Variants in USP25 observed in about 807,000 individuals in gnomAD.
USP25 encodes the protein ubiquitin specific peptidase 25, also known as ubiquitin carboxyl-terminal hydrolase 25.
In USP25, 85 loss-of-function variants were observed where a neutral mutation model predicts 158.5. That is an observed-to-expected ratio of 0.54 (90% CI 0.45 to 0.64). The LOEUF (loss-of-function observed/expected upper bound fraction) is 0.64. USP25 is among the 30% of genes least tolerant of loss of function. The pLI is 0.00. For synonymous variants in USP25, 464 were observed against 460.4 expected, an observed-to-expected ratio of 1.01 and a Z score of -0.10; for missense variants, 1,242 against 1,327.3, an observed-to-expected ratio of 0.94 and a Z score of 1.00.
intron 19 of USP25, 71 bp downstream of exon 19, chr21:15,847,847 C>T: frequency 1.0e-6 from 1 of 988,354 alleles, no homozygotes. Context: ...TTGGGCATGC[C>T]TGCACCCTCA....
chr21:15,850,284 G>A (rs1658853371), intron 20 of USP25, among the ~76,000 whole-genome samples: 1 of 151,600 alleles, frequency 6.6e-6, no homozygotes, highest in African/African-American at 2.4e-5. Flanking sequence ...TTATCATTAG[G>A]TACTAAATTG....
Position 15,877,854 on chromosome 21 carries a change from A to G in USP25, c.3068A>G (p.Asn1023Ser), listed in dbSNP as rs201645693. The G allele has an allele frequency of 2.5e-5, 41 of 1,613,388 alleles. No homozygotes were observed. Among genetic ancestry groups the G allele is most frequent in the Admixed American group, 5.0e-5 (3 of 59,950 alleles). ...FESGEDREVN[N>S]GLIIMNEFIV... is the part of the protein sequence containing the mutation. ...TCTGGAGAGGATCGAGAAGTAAACA[A>G]TGGTTTGATTATCATGAATGAGTTT... The change falls in exon 25 of 26, where the codon AAT (asparagine) becomes AGT (serine). Residue 1023 changes from asparagine to serine, a missense_variant. By Grantham distance (46) the Asn-to-Ser change is conservative. This residue lies in a region of USP25 where 608 missense variants were observed against 605.2 expected (regional missense o/e 1.00). Coordinates refer to ENST00000400183, the MANE Select transcript of USP25 (RefSeq NM_001283041.3).
chr21:15,756,559 C>G (rs891513908), intron 1 of USP25, among the ~76,000 whole-genome samples: 4 of 152,010 alleles, frequency 2.6e-5, no homozygotes, highest in Admixed American at 2.0e-4. Context: ...TTTAAAAATA[C>G]CCAGCATTAA....
At chr21:15,813,628 T>A (rs546547550) in intron 9 of USP25, among the ~76,000 whole-genome samples, 3 of 152,312 alleles carry the variant, frequency 2.0e-5, no homozygotes, top group Admixed American at 2.0e-4. Context: ...TCCCACTCTT[T>A]CTTTCTCATC....
intron 9 of USP25, among the ~76,000 whole-genome samples, chr21:15,815,767 AT>A (rs2146314726): frequency 6.6e-6 from 1 of 152,334 alleles, no homozygotes; most frequent in South Asian, 2.1e-4. Context: ...TCAGGTGAGA[AT>A]CCTTACATAA....
At chr21:15,743,601 G>A (rs919767679) in intron 1 of USP25, among the ~76,000 whole-genome samples, 2 of 152,142 alleles carry the variant, frequency 1.3e-5, no homozygotes, top group African/African-American at 2.4e-5. Context: ...AGCATTATTC[G>A]GAAAGAACCA....
chr21:15,826,957 T>C lies in USP25; in HGVS notation c.1467-20T>C. 2 of 1,610,260 alleles carry C rather than the reference T, an allele frequency of 1.2e-6. No homozygotes were observed. The highest frequency in any genetic ancestry group is 1.7e-4 in the Middle Eastern group (1 of 6,058). On this transcript the variant is annotated intron_variant, in intron 13 of 25. Transcript: ENST00000400183. This position sits in a 1 kb window ranked among gnomAD's most constrained non-coding sequence, Gnocchi z 4.8. ...TTCAGCTTGAAAGGTTAATAAGAAA[T>C]ACTCTATGCTTTGATACAGCACAAC...
At chr21:15,878,042 GTTAGAA>G in intron 25 of USP25, 51 bp downstream of exon 25, 3 of 1,426,092 alleles carry the variant, frequency 2.1e-6, no homozygotes, top group Non-Finnish European at 2.9e-6. Context: ...ATTAAATGCA[GTTAGAA>G]TTAGATGTTA....
intron 5 of USP25, among the ~76,000 whole-genome samples, chr21:15,796,068 C>CT (rs1266260684): frequency 6.6e-6 from 1 of 151,498 alleles, no homozygotes; most frequent in Non-Finnish European, 1.5e-5. Context: ...TTCGTAAGTG[C>CT]TTTTCAAAAT....
At chr21:15,730,510 G>C in intron 1 of USP25, 72 bp downstream of exon 1, 1 of 1,287,944 alleles carries the variant, frequency 7.8e-7, no homozygotes, top group Non-Finnish European at 9.9e-7. Flanking sequence ...CTGCGGCCGG[G>C]CGCCCCGGCC....
intron 4 of USP25, among the ~76,000 whole-genome samples, chr21:15,780,491 A>C (rs375196226): frequency 6.6e-6 from 1 of 152,208 alleles, no homozygotes; most frequent in Non-Finnish European, 1.5e-5. Context: ...TTCTTGTGAA[A>C]ATGGCTTGCC....
At position 15,833,514 on chromosome 21, in the gene USP25, G is replaced by T. The variant is rs746684565; in HGVS notation, c.2160G>T (p.Gln720His). The change falls in exon 17 of 26, where the codon CAG (glutamine) becomes CAT (histidine). Residue 720 changes from glutamine to histidine, a missense_variant. This residue lies in a region of USP25 where 608 missense variants were observed against 605.2 expected (regional missense o/e 1.00). Transcript: ENST00000400183. ...TGCAGGAAAAGCTTTTAGCGTCTCA[G>T]AAATTGAGAGAGTCAGAGACTTCTG... ...KALQEKLLAS[Q>H]KLRESETSVT... 4 of 1,613,978 alleles carry T rather than the reference G, an allele frequency of 2.5e-6. No homozygotes were observed. The South Asian group carries it at 4.4e-5, about 18-fold the overall frequency.
chr21:15,864,984 A>G (rs1258975931), intron 21 of USP25, among the ~76,000 whole-genome samples: 1 of 152,104 alleles, frequency 6.6e-6, no homozygotes, highest in African/African-American at 2.4e-5. Context: ...TGACATAAAG[A>G]GGAGGCTTAG....
chr21:15,835,569 T>C (rs1163306716), intron 17 of USP25, among the ~76,000 whole-genome samples: 3 of 152,220 alleles, frequency 2.0e-5, no homozygotes, highest in Non-Finnish European at 4.4e-5. Flanking sequence ...ATTGGACATA[T>C]ATTTTCATGT....
Position 15,808,890 on chromosome 21 carries a change from GT to G in USP25, c.857+7del. 1.2e-6 allele frequency: 2 copies of G among 1,604,678 alleles called. No homozygotes were observed. Among genetic ancestry groups the G allele is most frequent in the Middle Eastern group, 1.7e-4 (1 of 6,004 alleles). On this transcript the variant is annotated splice_donor_region_variant and intron_variant, in intron 8 of 25. Transcript: ENST00000400183. ...AATGAAAGCTGAAGAGGAGACGTAA[GT>G]TACCGTGAAGTTTAGCAATGGGGTT... is the stretch of plus-strand genomic sequence containing the variant.
intron 2 of USP25, among the ~76,000 whole-genome samples, chr21:15,765,611 G>A (rs894089823): frequency 6.6e-6 from 1 of 151,886 alleles, no homozygotes; most frequent in Non-Finnish European, 1.5e-5. Context: ...ATCTTTTATT[G>A]TCCTTGTTTG....
chr21:15,732,183 A>G (rs1020555174), intron 1 of USP25, among the ~76,000 whole-genome samples: 1 of 152,206 alleles, frequency 6.6e-6, no homozygotes, highest in African/African-American at 2.4e-5. Flanking sequence ...CAAAGGGAGT[A>G]GTAGTTAATT....
intron 19 of USP25, 53 bp from the exon 20 acceptor site, chr21:15,849,724 A>T: frequency 7.4e-7 from 1 of 1,347,646 alleles, no homozygotes; most frequent in East Asian, 2.5e-5. Flanking sequence ...GCATGTGAAT[A>T]AATTATTTTA....
chr21:15,864,812 C>A (rs1205621716), intron 21 of USP25, among the ~76,000 whole-genome samples: 1 of 152,016 alleles, frequency 6.6e-6, no homozygotes, highest in Non-Finnish European at 1.5e-5. Flanking sequence ...TTAATAATAT[C>A]CCTCATCTCT....
Sources: gnomAD v4.1 joint callset for allele counts (sites outside exome capture counted in the v4.1 genomes callset) on GRCh38, gnomAD v4.1.1 for gene constraint, gnomAD v4.1.1 regional missense constraint, Gnocchi (gnomAD v3.1) non-coding constraint, MANE v1.5 for transcripts, NCBI Gene and HGNC (gene_info 2026-07-23, HGNC 2026-07-21) for gene names.